Variants in PPARGC1A observed in about 807,000 individuals in gnomAD.
PPARGC1A encodes the protein PPARG coactivator 1 alpha.
PPARGC1A carries 25 observed loss-of-function variants against 88.7 expected under a neutral mutation model. That is an observed-to-expected ratio of 0.28 (90% CI 0.21 to 0.39). PPARGC1A has a LOEUF of 0.39. Ranked by LOEUF, PPARGC1A falls within the 10% of genes least tolerant of loss-of-function variation. The probability of loss-of-function intolerance (pLI) is 1.00; values close to 1 mark genes in which losing one functional copy is unlikely to be tolerated. For synonymous variants in PPARGC1A, 363 were observed against 355.6 expected (o/e 1.02, Z -0.24); for missense variants, 880 against 968.7 (o/e 0.91, Z 1.22).
chr4:24,021,166 G>A, the PPARGC1A span, among the ~76,000 whole-genome samples: 1 of 152,184 alleles, frequency 6.6e-6, no homozygotes, highest in South Asian at 2.1e-4. Context: ...GGCCCTTGCA[G>A]GCACAGGAGA....
the PPARGC1A span, among the ~76,000 whole-genome samples, chr4:24,255,429 A>G: frequency 2.6e-5 from 4 of 152,208 alleles, no homozygotes; most frequent in East Asian, 7.7e-4. Flanking sequence ...TCACATTTTC[A>G]AGTTTAAGGG....
intron 7 of PPARGC1A, among the ~76,000 whole-genome samples, chr4:23,823,015 C>T (rs1723272409): frequency 6.6e-6 from 1 of 151,770 alleles, no homozygotes; most frequent in South Asian, 2.1e-4. Context: ...GTCTCAGTAC[C>T]CCAATAGACT....
At chr4:24,063,149 C>T in the PPARGC1A span, among the ~76,000 whole-genome samples, 3 of 152,236 alleles carry the variant, frequency 2.0e-5, no homozygotes, top group African/African-American at 7.2e-5. Flanking sequence ...CAAGTGGGCC[C>T]TTTCATACTC....
the PPARGC1A span, among the ~76,000 whole-genome samples, chr4:24,237,778 T>C: frequency 1.3e-5 from 2 of 152,194 alleles, no homozygotes; most frequent in African/African-American, 4.8e-5. Context: ...AACAACTTTA[T>C]AGGCGGAAGG....
At chr4:24,472,755 G>A in the PPARGC1A span, among the ~76,000 whole-genome samples, 2 of 152,010 alleles carry the variant, frequency 1.3e-5, no homozygotes, top group African/African-American at 2.4e-5. The surrounding 1 kb of genome is among the most constrained non-coding windows in gnomAD (Gnocchi z 4.5). Flanking sequence ...GCCGCCGCCT[G>A]TGCCGGCTGC....
At position 23,835,466 on chromosome 4, in the gene PPARGC1A, T is replaced by TTGTGTGTGTGTGTG. The variant is rs145407468; in HGVS notation, c.235-3729_235-3716dup. Among the ~76,000 whole-genome samples the TTGTGTGTGTGTGTG allele has an allele frequency of 2.3e-3, 315 of 135,358 alleles. 1 individual carries two copies. The highest frequency in any genetic ancestry group is 0.019 in the Middle Eastern group (5 of 264). The allele number at this position is 135,358 out of a possible 152,430, so 88.8% of individuals were successfully genotyped here. ...TAAGATGGGAGATTAGCATGGCGGC[T>TTGTGTGTGTGTGTG]TGTGTGTGTGTGTGTGTGTGTGTGT... On this transcript the variant is annotated intron_variant, in intron 2 of 12. Coordinates refer to ENST00000264867, the MANE Select transcript of PPARGC1A (RefSeq NM_013261.5).
chr4:23,873,221 A>AAAAAAAAAAAAAAAAAAAAAAG (rs1297257881), intron 2 of PPARGC1A, among the ~76,000 whole-genome samples: 2 of 142,340 alleles, frequency 1.4e-5, no homozygotes, highest in African/African-American at 2.7e-5. Context: ...AAAAAATAAA[A>AAAAAAAAAAAAAAAAAAAAAAG]AATAAAGAAA....
At chr4:24,437,675 T>A in the PPARGC1A span, among the ~76,000 whole-genome samples, 2 of 151,988 alleles carry the variant, frequency 1.3e-5, no homozygotes, top group Admixed American at 1.3e-4. Context: ...TTCTTTCTTT[T>A]TTTTTCTTTT....
the PPARGC1A span, among the ~76,000 whole-genome samples, chr4:24,417,354 C>G: frequency 6.6e-6 from 1 of 152,278 alleles, no homozygotes; most frequent in Non-Finnish European, 1.5e-5. Context: ...TGCCAAGAAT[C>G]CCTTCCTTCC....
intron 2 of PPARGC1A, among the ~76,000 whole-genome samples, chr4:23,844,725 T>TATATGATATATC (rs1387339718): frequency 2.2e-5 from 2 of 90,532 alleles, no homozygotes; most frequent in African/African-American, 4.9e-5. Context: ...TATATATTAT[T>TATATGATATATC]ATAATATATG....
the PPARGC1A span, among the ~76,000 whole-genome samples, chr4:24,210,998 A>T: frequency 5.9e-5 from 9 of 152,294 alleles, no homozygotes; most frequent in Non-Finnish European, 1.0e-4. Flanking sequence ...CAGATTTTTT[A>T]AAACTGTAAT....
intron 2 of PPARGC1A, among the ~76,000 whole-genome samples, chr4:23,841,497 A>AAACACACT (rs1727047178): frequency 6.6e-6 from 1 of 151,926 alleles, no homozygotes. Context: ...TTTTTTTAGA[A>AAACACACT]AACACACTCA....
chr4:24,016,212 T>C, the PPARGC1A span, among the ~76,000 whole-genome samples: 2 of 152,304 alleles, frequency 1.3e-5, no homozygotes, highest in African/African-American at 4.8e-5. Flanking sequence ...GAATCACCAA[T>C]ACATATGACC....
chr4:24,210,611 C>T, the PPARGC1A span, among the ~76,000 whole-genome samples: 2 of 152,178 alleles, frequency 1.3e-5, no homozygotes, highest in Non-Finnish European at 2.9e-5. Flanking sequence ...GGGGCACAGA[C>T]GCTGGGCACC....
At chr4:24,219,386 G>A in the PPARGC1A span, among the ~76,000 whole-genome samples, 1 of 152,110 alleles carries the variant, frequency 6.6e-6, no homozygotes, top group Admixed American at 6.5e-5. Flanking sequence ...TTCCCGGGCC[G>A]AATCTTACAA....
chr4:24,465,199 C>T, the PPARGC1A span, among the ~76,000 whole-genome samples: 1 of 152,114 alleles, frequency 6.6e-6, no homozygotes, highest in African/African-American at 2.4e-5. Flanking sequence ...ATAGTCAACC[C>T]TTATTAACAC....
the PPARGC1A span, among the ~76,000 whole-genome samples, chr4:24,467,411 C>G: frequency 6.6e-6 from 1 of 152,158 alleles, no homozygotes; most frequent in Non-Finnish European, 1.5e-5. Context: ...GGTATAGAAG[C>G]CCAGTTGATA....
At chr4:24,312,996 A>T in the PPARGC1A span, among the ~76,000 whole-genome samples, 1 of 152,164 alleles carries the variant, frequency 6.6e-6, no homozygotes, top group Non-Finnish European at 1.5e-5. Flanking sequence ...ATTGAAATCC[A>T]TTCCAGTGTG....
At chr4:23,891,151 T>C (rs1247502550), upstream of PPARGC1A, among the ~76,000 whole-genome samples, 1 of 152,200 alleles carries the variant, frequency 6.6e-6, no homozygotes, top group Non-Finnish European at 1.5e-5. Context: ...TGTTTTATGA[T>C]GACACTACAT....
Sources: gnomAD v4.1 joint callset for allele counts (sites outside exome capture counted in the v4.1 genomes callset) on GRCh38, gnomAD v4.1.1 for gene constraint, Gnocchi (gnomAD v3.1) non-coding constraint, MANE v1.5 for transcripts, NCBI Gene and HGNC (gene_info 2026-07-23, HGNC 2026-07-21) for gene names.